FAM169A: variants seen among roughly 807,000 people sequenced by gnomAD.
FAM169A encodes family with sequence similarity 169 member A.
Under a neutral mutation model 75.7 loss-of-function variants are expected in FAM169A, and 24 were observed. That is an observed-to-expected ratio of 0.32 (90% CI 0.23 to 0.45). The LOEUF is 0.45. Among genes scored for constraint, FAM169A ranks in the 20% least tolerant of loss-of-function variants. The pLI, the probability that FAM169A is intolerant of heterozygous loss-of-function variation, is 1.00. For synonymous variants in FAM169A, 271 were observed against 271.0 expected, an observed-to-expected ratio of 1.00 and a Z score of 0.00; for missense variants, 673 against 784.0, an observed-to-expected ratio of 0.86 and a Z score of 1.69.
At position 74,804,584 on chromosome 5, in the gene FAM169A, T is replaced by C. The variant is rs370466739; in HGVS notation, c.821A>G (p.Lys274Arg). The C allele has an allele frequency of 1.8e-5, 29 of 1,607,152 alleles. 1 individual carries two copies. Among genetic ancestry groups the C allele is most frequent in the Non-Finnish European group, 1.4e-5 (16 of 1,175,738 alleles). The stretch of plus-strand genomic sequence containing the variant: ...ACCATATTCTCCAGACATAGGTCTT[T>C]TAGGTTCATTTTGAGAAAGTGCTGC... ...KILALSQNEP[K>R]RPMSGEYGPA... The change falls in exon 8 of 13, where the codon AAA becomes AGA. Residue 274 changes from lysine (K) to arginine (R), a missense_variant. By Grantham distance (26) the Lys-to-Arg change is conservative (BLOSUM62 2). Transcript: ENST00000687041.
intron 1 of FAM169A, among the ~76,000 whole-genome samples, chr5:74,855,679 G>A (rs1171337768): frequency 6.6e-6 from 1 of 152,094 alleles, no homozygotes; most frequent in Non-Finnish European, 1.5e-5. Flanking sequence ...ATATATTCTG[G>A]TTATTAATTC....
At chr5:74,791,649 C>G (rs1341132478) in intron 11 of FAM169A, among the ~76,000 whole-genome samples, 2 of 152,174 alleles carry the variant, frequency 1.3e-5, no homozygotes, top group Non-Finnish European at 2.9e-5. Context: ...TATAGGAGAT[C>G]CCTTGGGGTG....
intron 11 of FAM169A, among the ~76,000 whole-genome samples, chr5:74,783,949 A>T (rs993906312): frequency 2.0e-5 from 3 of 152,182 alleles, no homozygotes; most frequent in African/African-American, 7.2e-5. Flanking sequence ...TCCAAAAGAG[A>T]AATCACGGTT....
intron 4 of FAM169A, among the ~76,000 whole-genome samples, chr5:74,836,141 A>T (rs993534584): frequency 6.6e-6 from 1 of 152,188 alleles, no homozygotes; most frequent in African/African-American, 2.4e-5. Context: ...GGGCTTTTCT[A>T]TATAAACAAA....
In FAM169A at chr5:74,798,362, G is replaced by T. The variant is rs148410437; in HGVS notation, c.1104-2176C>A. Among the ~76,000 whole-genome samples the T allele has an allele frequency of 3.3e-5, 5 of 152,006 alleles. No individual in the cohort carries two copies. In the East Asian group the frequency reaches 9.6e-4, roughly 29 times the overall value. On this transcript the variant is annotated intron_variant, in intron 10 of 12. Transcript: ENST00000687041. Reference sequence around the variant, plus strand: ...CAAAATTCCACAATAATTCTGGGAGGTTCAATTTAAAATATATTGTTACCC... The same window carrying T: ...CAAAATTCCACAATAATTCTGGGAGTTTCAATTTAAAATATATTGTTACCC...
At chr5:74,846,705 C>G (rs1361794831) in intron 1 of FAM169A, among the ~76,000 whole-genome samples, 1 of 152,144 alleles carries the variant, frequency 6.6e-6, no homozygotes, top group African/African-American at 2.4e-5. Flanking sequence ...GCTAAGACCA[C>G]AAGTACACAC....
intron 1 of FAM169A, among the ~76,000 whole-genome samples, chr5:74,864,560 G>C (rs992176593): frequency 1.3e-5 from 2 of 152,182 alleles, no homozygotes; most frequent in Non-Finnish European, 2.9e-5. Flanking sequence ...AATACCACTT[G>C]TAATGACATG....
At chr5:74,841,488 A>G in intron 2 of FAM169A, 57 bp downstream of exon 2, 1 of 1,313,174 alleles carries the variant, frequency 7.6e-7, no homozygotes, top group Admixed American at 2.5e-5. Flanking sequence ...AAGGATATTT[A>G]TTTCATGTAT....
In FAM169A at chr5:74,821,328, T is replaced by C. The variant is rs186260205; in HGVS notation, c.491-7309A>G. 3.8e-3 allele frequency among the ~76,000 whole-genome samples: 574 copies of C among 152,338 alleles called. 6 individuals are homozygous for C. The highest frequency in any genetic ancestry group is 0.013 in the African/African-American group (527 of 41,574). On this transcript the variant is annotated intron_variant, in intron 5 of 12. Transcript: ENST00000687041. ...ATTTCAGCGACACCATTCAGGTCTA[T>C]GTATTGAATTCAAGAACAGATATTC...
chr5:74,828,279 A>G (rs1419567893), intron 5 of FAM169A, among the ~76,000 whole-genome samples: 1 of 152,196 alleles, frequency 6.6e-6, no homozygotes, highest in East Asian at 1.9e-4. Context: ...ACAAAAGAAT[A>G]TCATCTAATT....
intron 11 of FAM169A, among the ~76,000 whole-genome samples, chr5:74,790,134 C>T (rs1039633452): frequency 3.9e-5 from 6 of 152,202 alleles, no homozygotes; most frequent in African/African-American, 4.8e-5. Flanking sequence ...ACTGCTGCCA[C>T]CCTGGCCTTC....
In FAM169A at chr5:74,818,799, CTCTCTA is replaced by C. The variant is rs1480908725; in HGVS notation, c.491-4786_491-4781del. 9.8e-3 allele frequency among the ~76,000 whole-genome samples: 1,240 copies of C among 125,904 alleles called. 9 individuals are homozygous for C. Among genetic ancestry groups the C allele is most frequent in the African/African-American group, 0.021 (602 of 29,224 alleles). The allele number at this position is 125,904 out of a possible 152,430, so 82.6% of individuals were successfully genotyped here. On this transcript the variant is annotated intron_variant, in intron 5 of 12. Coordinates refer to ENST00000687041, the MANE Select transcript of FAM169A (RefSeq NM_001376049.1). ...TCTCTCTCTCTCTCTCTCTCTCTCT[CTCTCTA>C]TATATATATATATATATATGTCAAA...
intron 1 of FAM169A, among the ~76,000 whole-genome samples, chr5:74,844,435 C>A (rs904920322): frequency 6.6e-6 from 1 of 151,644 alleles, no homozygotes; most frequent in Non-Finnish European, 1.5e-5. Context: ...CTGGGTAACA[C>A]AGTGGGACCT....
intron 5 of FAM169A, among the ~76,000 whole-genome samples, chr5:74,815,563 A>G (rs1016815807): frequency 2.0e-5 from 3 of 152,160 alleles, no homozygotes; most frequent in Admixed American, 1.3e-4. Context: ...CTAACAAGTA[A>G]TCTTGTCAGA....
rs1745273158 is a variant in FAM169A, at chr5:74,779,048, C to T, written c.*2412G>A. ...AACTTTTCCCTCTATAATCTATAAACCCCAAAATAACAATTTCTGTCAGAG... is the reference window on the plus strand; with the variant it reads ...AACTTTTCCCTCTATAATCTATAAATCCCAAAATAACAATTTCTGTCAGAG... On this transcript the variant is annotated 3_prime_UTR_variant, in exon 13 of 13. Transcript: ENST00000687041. 2 of 152,064 alleles carry T rather than the reference C, an allele frequency of 1.3e-5. No homozygotes were observed. Among genetic ancestry groups the T allele is most frequent in the African/African-American group, 4.8e-5 (2 of 41,424 alleles). The allele number at this position is 152,064 out of a possible 1,614,324, so 9.4% of individuals were successfully genotyped here.
chr5:74,826,185 T>TA (rs779437324), intron 5 of FAM169A, among the ~76,000 whole-genome samples: 67 of 152,236 alleles, frequency 4.4e-4, no homozygotes, highest in Admixed American at 7.2e-4. Flanking sequence ...TCTTATTTCA[T>TA]AAATGCAATG....
intron 5 of FAM169A, among the ~76,000 whole-genome samples, chr5:74,821,923 GAAGA>G (rs1308702303): frequency 1.3e-5 from 2 of 152,184 alleles, no homozygotes; most frequent in Admixed American, 1.3e-4. Context: ...GCTGCAGGTG[GAAGA>G]AACAGCTGGT....
intron 5 of FAM169A, among the ~76,000 whole-genome samples, chr5:74,824,822 G>A (rs539727729): frequency 6.6e-6 from 1 of 151,932 alleles, no homozygotes; most frequent in South Asian, 2.1e-4. Context: ...ACTTCTCTAA[G>A]TAACTTACTA....
intron 1 of FAM169A, among the ~76,000 whole-genome samples, chr5:74,855,401 T>C (rs977930477): frequency 6.6e-6 from 1 of 152,180 alleles, no homozygotes; most frequent in African/African-American, 2.4e-5. Context: ...TTTCACCATG[T>C]TGCCCAGGCT....
Sources: gnomAD v4.1 joint callset for allele counts (sites outside exome capture counted in the v4.1 genomes callset) on GRCh38, gnomAD v4.1.1 for gene constraint, MANE v1.5 for transcripts, NCBI Gene and HGNC (gene_info 2026-07-23, HGNC 2026-07-21) for gene names.